CAPN7: variants seen among roughly 807,000 people sequenced by gnomAD.
CAPN7 encodes calpain-7.
Under a neutral mutation model 115.2 loss-of-function variants are expected in CAPN7, and 72 were observed. The ratio of observed to expected loss-of-function variants is 0.63; its 90% CI spans 0.52 to 0.76. CAPN7 has a LOEUF of 0.76. Ranked by LOEUF, CAPN7 falls within the 30% of genes least tolerant of loss-of-function variation. The pLI, the probability that CAPN7 is intolerant of heterozygous loss-of-function variation, is 0.00. For synonymous variants in CAPN7, 344 were observed against 322.3 expected (o/e 1.07, Z -0.72); for missense variants, 905 against 971.5 (o/e 0.93, Z 0.91).
Position 15,242,178 on chromosome 3 carries a change from G to A in CAPN7, c.1789G>A (p.Asp597Asn). 1 of 1,593,502 alleles carries A rather than the reference G, an allele frequency of 6.3e-7. No individual in the cohort carries two copies. The highest frequency in any genetic ancestry group is 8.5e-7 in the Non-Finnish European group (1 of 1,171,454). Reference protein sequence around the residue: ...VLLSRHITDKDDFANNREFIT... With the variant: ...VLLSRHITDKNDFANNREFIT... ...CACATTGGATTCTTTGTGATTTTAG[G>A]ATGATTTTGCGAATAATCGAGAATT... Residue 597 changes from aspartate to asparagine, a missense_variant and splice_region_variant, in exon 16 of 21, where the codon GAT becomes AAT. Physicochemically the swap from Asp to Asn is conservative, Grantham distance 23. This residue lies in a region of CAPN7 where 620 missense variants were observed against 703.4 expected (regional missense o/e 0.88). Coordinates refer to ENST00000253693, the MANE Select transcript of CAPN7 (RefSeq NM_014296.3).
chr3:15,250,774 T>C (rs1399010388), intron 19 of CAPN7, among the ~76,000 whole-genome samples, 157 bp from the exon 20 acceptor site: 2 of 152,036 alleles, frequency 1.3e-5, no homozygotes, highest in Non-Finnish European at 2.9e-5. Flanking sequence ...CTGAAAAATA[T>C]AAATGGTGTG....
intron 1 of CAPN7, among the ~76,000 whole-genome samples, chr3:15,207,866 T>TA (rs952158728): frequency 5.3e-5 from 8 of 152,172 alleles, no homozygotes; most frequent in African/African-American, 1.7e-4. Flanking sequence ...AACTTTTTTT[T>TA]ATAAAAGGAG....
rs181542733 is a variant in CAPN7 at position 15,252,853 on chromosome 3, A to G, written c.*1593A>G. 5 of 151,808 alleles carry G rather than the reference A, an allele frequency of 3.3e-5. No homozygotes were observed. The highest frequency in any genetic ancestry group is 7.3e-5 in the African/African-American group (3 of 41,072). 9.4% of individuals were successfully genotyped at this position (151,808 alleles called of 1,614,324 possible). On this transcript the variant is annotated 3_prime_UTR_variant, in exon 21 of 21. Transcript: ENST00000253693. ...GGTTACTGACCATTGAGTGTTTACT[A>G]TGTACCCAATGTGTATATTTTTCTT...
At position 15,225,554 on chromosome 3, in the gene CAPN7, A is replaced by AT. The variant is rs774815820; in HGVS notation, c.725+1994dup. On this transcript the variant is annotated intron_variant, in intron 6 of 20. Coordinates refer to ENST00000253693, the MANE Select transcript of CAPN7 (RefSeq NM_014296.3). ...GTAATAACATGGGAAAATGCTCATA[A>AT]TATAATTGGAAAAGTAAAATACGTA... is the stretch of plus-strand genomic sequence containing the variant. Among the ~76,000 whole-genome samples, 71 of 152,354 alleles carry AT rather than the reference A, an allele frequency of 4.7e-4. No individual in the cohort carries two copies. The Middle Eastern group carries it at 0.027, about 58-fold the overall frequency.
intron 8 of CAPN7, among the ~76,000 whole-genome samples, chr3:15,229,874 G>A (rs1308638757): frequency 1.3e-5 from 2 of 152,134 alleles, no homozygotes; most frequent in South Asian, 2.1e-4. Context: ...CAAAAACTAA[G>A]CATTATAATT....
rs1372971324 is a variant in CAPN7, at chr3:15,212,155, A to G, written c.154A>G (p.Asn52Asp). The G allele has an allele frequency of 6.2e-7, 1 of 1,611,558 alleles. No homozygotes were observed. The highest frequency in any genetic ancestry group is 8.5e-7 in the Non-Finnish European group (1 of 1,178,650). The change falls in exon 2 of 21, where the codon AAT becomes GAT. Residue 52 changes from asparagine to aspartate, a missense_variant. Transcript: ENST00000253693. ...YAEMAGSSLE[N>D]IQEKITEYLE... ...TGAGATGGCAGGATCAAGCCTAGAA[A>G]ATATTCAAGAAAAAATAACTGAGTA...
In CAPN7 at chr3:15,233,943, A is replaced by C; in HGVS notation, c.1256A>C (p.Lys419Thr). The change falls in exon 11 of 21, where the codon AAG becomes ACG. Residue 419 changes from lysine to threonine, a missense_variant. Coordinates refer to ENST00000253693, the MANE Select transcript of CAPN7 (RefSeq NM_014296.3). ...AMHSDSQTFS[K>T]DNSFRMLYQR... ...CATTCAGATAGCCAAACTTTCAGTA[A>C]GGATAATTCTTTCAGAATGCTTTAT... The C allele has an allele frequency of 6.3e-7, 1 of 1,592,730 alleles. No homozygotes were observed. The highest frequency in any genetic ancestry group is 8.6e-7 in the Non-Finnish European group (1 of 1,162,730).
chr3:15,246,850 C>A, intron 18 of CAPN7, 56 bp downstream of exon 18: 1 of 1,267,994 alleles, frequency 7.9e-7, no homozygotes, highest in Non-Finnish European at 1.1e-6. Flanking sequence ...TTTAAATTCC[C>A]TTTCCCATTT....
chr3:15,233,781 C>T, intron 10 of CAPN7, 86 bp from the exon 11 acceptor site: 1 of 731,980 alleles, frequency 1.4e-6, no homozygotes, highest in East Asian at 2.7e-5. Context: ...AATCATTATG[C>T]CAAATCAGTG....
chr3:15,222,287 A>T (rs1445130279), intron 5 of CAPN7, among the ~76,000 whole-genome samples: 2 of 152,198 alleles, frequency 1.3e-5, no homozygotes, highest in Non-Finnish European at 2.9e-5. Context: ...TGTACCAAAA[A>T]AAAATGAAAT....
intron 1 of CAPN7, among the ~76,000 whole-genome samples, chr3:15,207,370 A>G (rs983545419): frequency 2.6e-5 from 4 of 152,110 alleles, no homozygotes; most frequent in African/African-American, 9.7e-5. Flanking sequence ...AGTTGCTCTG[A>G]GTTGGTGAGT....
chr3:15,223,102 A>C (rs1694099202), intron 5 of CAPN7, among the ~76,000 whole-genome samples: 2 of 152,232 alleles, frequency 1.3e-5, no homozygotes, highest in African/African-American at 4.8e-5. Context: ...CGTGAAGAGC[A>C]TGTATTTCAG....
At chr3:15,245,716 T>C (rs1323222624) in intron 17 of CAPN7, 45 bp downstream of exon 17, 3 of 1,550,944 alleles carry the variant, frequency 1.9e-6, no homozygotes, top group Non-Finnish European at 2.6e-6. Flanking sequence ...TAATATAAAG[T>C]ATGTAATATG....
chr3:15,228,763 A>C (rs1694485083), intron 7 of CAPN7, among the ~76,000 whole-genome samples: 1 of 152,162 alleles, frequency 6.6e-6, no homozygotes, highest in South Asian at 2.1e-4. Context: ...GTACTGGGCT[A>C]ATAGCTGGGT....
Position 15,206,263 on chromosome 3 carries a change from C to A in CAPN7, c.-233C>A. The A allele has an allele frequency of 2.5e-6, 1 of 402,414 alleles. No individual in the cohort carries two copies. Among genetic ancestry groups the A allele is most frequent in the Non-Finnish European group, 4.5e-6 (1 of 224,288 alleles). 24.9% of individuals were successfully genotyped at this position (402,414 alleles called of 1,614,324 possible). ...GGCGGGGCGAGGGCCGCTGGGGCCGCGAAGTGGGGCGGCCGGGTGGGCTAC... is the reference window on the plus strand; with the variant it reads ...GGCGGGGCGAGGGCCGCTGGGGCCGAGAAGTGGGGCGGCCGGGTGGGCTAC... On this transcript the variant is annotated 5_prime_UTR_variant, in exon 1 of 21. Transcript: ENST00000253693.
chr3:15,246,455 C>T, intron 17 of CAPN7: 1 of 377,246 alleles, frequency 2.7e-6, no homozygotes, highest in Non-Finnish European at 4.8e-6. Context: ...ATGAAAGGGA[C>T]ATTGGGAGCT....
chr3:15,248,633 A>G (rs1307971521), intron 19 of CAPN7, among the ~76,000 whole-genome samples: 1 of 152,178 alleles, frequency 6.6e-6, no homozygotes, highest in Non-Finnish European at 1.5e-5. Context: ...CACTTTGCAA[A>G]TGATTAAGTT....
At chr3:15,244,532 C>G (rs1456067571) in intron 16 of CAPN7, among the ~76,000 whole-genome samples, 1 of 152,172 alleles carries the variant, frequency 6.6e-6, no homozygotes, top group African/African-American at 2.4e-5. Context: ...TCTCACTAGA[C>G]CACACCACCC....
At position 15,247,477 on chromosome 3, in the gene CAPN7, C is replaced by G; in HGVS notation, c.2204+20C>G. On this transcript the variant is annotated intron_variant, in intron 19 of 20. Transcript: ENST00000253693. ...ACCAAGGTTTGTGATGAGTAACTTTCTTAAATTAATGATGTTCTATTACAA... is the reference window on the plus strand; with the variant it reads ...ACCAAGGTTTGTGATGAGTAACTTTGTTAAATTAATGATGTTCTATTACAA... 6.4e-7 allele frequency: 1 copy of G among 1,569,788 alleles called. No homozygotes were observed. Among genetic ancestry groups the G allele is most frequent in the Non-Finnish European group, 8.6e-7 (1 of 1,162,598 alleles).
Sources: allele counts gnomAD v4.1 joint callset (sites outside exome capture counted in the v4.1 genomes callset), GRCh38; gene constraint gnomAD v4.1.1; regional missense constraint gnomAD v4.1.1; transcripts MANE v1.5; gene names NCBI Gene and HGNC (gene_info 2026-07-23, HGNC 2026-07-21).